The following EEFSEC variants were observed in gnomAD, a reference collection of about 807,000 sequenced individuals.
EEFSEC encodes eukaryotic elongation factor, selenocysteine-tRNA specific, also known as selenocysteine-specific elongation factor.
EEFSEC carries 43 observed loss-of-function variants against 42.1 expected under a neutral mutation model. That is an observed-to-expected ratio of 1.02 (90% CI 0.80 to 1.32). The LOEUF is 1.32. EEFSEC is among the 40% of genes most tolerant of loss of function. The pLI is 0.00. For synonymous variants in EEFSEC, 354 were observed against 339.1 expected (o/e 1.04, Z -0.48); for missense variants, 745 against 803.6 (o/e 0.93, Z 0.88).
intron 4 of EEFSEC, among the ~76,000 whole-genome samples, chr3:128,269,182 C>T (rs2066388271): frequency 6.6e-6 from 1 of 152,244 alleles, no homozygotes; most frequent in South Asian, 2.1e-4. Flanking sequence ...GACAGCAGAG[C>T]TGGGACTTGA....
chr3:128,260,527 G>C (rs1273755296), intron 2 of EEFSEC, among the ~76,000 whole-genome samples: 1 of 152,174 alleles, frequency 6.6e-6, no homozygotes, highest in Non-Finnish European at 1.5e-5. Flanking sequence ...AAGCTCCAAG[G>C]CAGGTCAAAT....
chr3:128,273,078 T>C (rs975176580), intron 4 of EEFSEC, among the ~76,000 whole-genome samples: 13 of 152,210 alleles, frequency 8.5e-5, no homozygotes, highest in African/African-American at 3.1e-4. Context: ...TAAGCCTCAC[T>C]GTCTTTATCA....
intron 6 of EEFSEC, among the ~76,000 whole-genome samples, chr3:128,391,864 A>G (rs1170615561): frequency 6.6e-6 from 1 of 152,188 alleles, no homozygotes; most frequent in Non-Finnish European, 1.5e-5. Context: ...CAACGAATGC[A>G]GGAGTGAGCT....
downstream of EEFSEC, among the ~76,000 whole-genome samples, chr3:128,413,011 G>C (rs1209744092): frequency 6.6e-6 from 1 of 152,146 alleles, no homozygotes; most frequent in Admixed American, 6.5e-5. Context: ...GTCCAGTTGG[G>C]GTTTCAAGAG....
At chr3:128,190,926 A>ATT (rs1285253096) in intron 1 of EEFSEC, among the ~76,000 whole-genome samples, 1 of 151,942 alleles carries the variant, frequency 6.6e-6, no homozygotes, top group Non-Finnish European at 1.5e-5. Context: ...GCCTGGGGGT[A>ATT]TTTTTTTTAT....
chr3:128,192,460 G>C (rs1042042962), intron 1 of EEFSEC, among the ~76,000 whole-genome samples: 1 of 152,190 alleles, frequency 6.6e-6, no homozygotes, highest in African/African-American at 2.4e-5. Context: ...TCAGCTGGCT[G>C]TTTCCTAATC....
At chr3:128,276,017 C>T (rs1247335307) in intron 4 of EEFSEC, among the ~76,000 whole-genome samples, 3 of 152,208 alleles carry the variant, frequency 2.0e-5, no homozygotes, top group South Asian at 2.1e-4. Flanking sequence ...CTCCCCACTC[C>T]GCCCCCTCAT....
At chr3:128,208,386 G>A (rs543183471) in intron 1 of EEFSEC, among the ~76,000 whole-genome samples, 1 of 152,266 alleles carries the variant, frequency 6.6e-6, no homozygotes, top group East Asian at 1.9e-4. Context: ...TTAGGCTCAG[G>A]AAAAATGACC....
chr3:128,182,943 G>A (rs2811479), intron 1 of EEFSEC, among the ~76,000 whole-genome samples: 41,297 of 148,310 alleles, frequency 0.28, 6,081 homozygotes, highest in South Asian at 0.36. Context: ...GAGAAGGAGC[G>A]GGAAGAGGCC....
intron 1 of EEFSEC, among the ~76,000 whole-genome samples, chr3:128,229,391 G>A (rs1206235917): frequency 1.3e-5 from 2 of 152,182 alleles, no homozygotes; most frequent in African/African-American, 4.8e-5. Flanking sequence ...GGACCCCAGA[G>A]AGCCCATTGT....
chr3:128,403,968 A>C (rs2068079800), intron 6 of EEFSEC, among the ~76,000 whole-genome samples: 1 of 152,218 alleles, frequency 6.6e-6, no homozygotes, highest in Non-Finnish European at 1.5e-5. Flanking sequence ...TGGTCTGTGC[A>C]TTCACCACTA....
intron 1 of EEFSEC, among the ~76,000 whole-genome samples, chr3:128,226,857 G>T (rs1329367443): frequency 1.3e-5 from 2 of 152,194 alleles, no homozygotes; most frequent in Admixed American, 6.5e-5. Flanking sequence ...GGGTTGTGTG[G>T]TGCACAGAGG....
At chr3:128,273,759 A>G (rs973768692) in intron 4 of EEFSEC, among the ~76,000 whole-genome samples, 1 of 152,224 alleles carries the variant, frequency 6.6e-6, no homozygotes, top group Non-Finnish European at 1.5e-5. Flanking sequence ...TGGGTGGCCC[A>G]GGCATGGTTG....
intron 6 of EEFSEC, among the ~76,000 whole-genome samples, chr3:128,392,493 C>T (rs1290325590): frequency 1.3e-5 from 2 of 152,232 alleles, no homozygotes; most frequent in African/African-American, 4.8e-5. Context: ...TCACCCGTGA[C>T]AGAACCTGCC....
At chr3:128,386,820 C>T (rs767089493) in intron 6 of EEFSEC, among the ~76,000 whole-genome samples, 10 of 152,206 alleles carry the variant, frequency 6.6e-5, no homozygotes, top group Non-Finnish European at 1.0e-4. Context: ...AGAGCGAGAA[C>T]TCACTCATCA....
intron 4 of EEFSEC, among the ~76,000 whole-genome samples, chr3:128,313,982 A>G (rs763752836): frequency 2.6e-5 from 4 of 152,052 alleles, no homozygotes; most frequent in Non-Finnish European, 5.9e-5. Context: ...ACCAGGCCCT[A>G]CCCAGTGTGC....
chr3:128,190,191 A>G (rs1014272295), intron 1 of EEFSEC, among the ~76,000 whole-genome samples: 2 of 152,210 alleles, frequency 1.3e-5, no homozygotes, highest in Non-Finnish European at 2.9e-5. Flanking sequence ...AACAAAAATT[A>G]ACTGTAAAAC....
At chr3:128,253,172 T>C (rs2066205694) in intron 2 of EEFSEC, among the ~76,000 whole-genome samples, 2 of 152,184 alleles carry the variant, frequency 1.3e-5, no homozygotes, top group South Asian at 4.1e-4. Flanking sequence ...AGGGTTTGGA[T>C]AAAGATAGTT....
chr3:128,154,047 G>C (rs557658888), intron 1 of EEFSEC: 42 of 450,498 alleles, frequency 9.3e-5, no homozygotes, highest in Non-Finnish European at 1.4e-4. Flanking sequence ...CGAGCTGCAA[G>C]GCGCCTTCCT....
Sources: allele counts gnomAD v4.1 joint callset (sites outside exome capture counted in the v4.1 genomes callset), GRCh38; gene constraint gnomAD v4.1.1; transcripts MANE v1.5; gene names NCBI Gene and HGNC (gene_info 2026-07-23, HGNC 2026-07-21).